The following CASZ1 variants were observed in gnomAD, a reference collection of about 807,000 sequenced individuals.
The protein encoded by CASZ1 is castor zinc finger 1, also known as zinc finger protein castor homolog 1.
A neutral mutation model predicts 135.2 loss-of-function variants in CASZ1; 28 were observed. That is an observed-to-expected ratio of 0.21 (90% confidence interval 0.15 to 0.28). The LOEUF is 0.28. CASZ1 is among the 10% of genes least tolerant of loss of function. The probability of loss-of-function intolerance (pLI) is 1.00; values close to 1 mark genes in which losing one functional copy is unlikely to be tolerated. For synonymous variants in CASZ1, 1,068 were observed against 1,073.4 expected (o/e 0.99, Z 0.10); for missense variants, 2,161 against 2,453.3 (o/e 0.88, Z 2.52).
At chr1:10,772,167 G>A (rs1477132968) in intron 1 of CASZ1, among the ~76,000 whole-genome samples, 10 of 152,214 alleles carry the variant, frequency 6.6e-5, no homozygotes, top group Non-Finnish European at 1.0e-4. Flanking sequence ...CCTGGAGGAA[G>A]GAGGAGAAGG....
Position 10,666,963 on chromosome 1 carries a change from T to C in CASZ1, c.17-1392A>G, listed in dbSNP as rs284320. On this transcript the variant is annotated intron_variant, in intron 4 of 20. Transcript: ENST00000377022. This position sits in a 1 kb window ranked among gnomAD's most constrained non-coding sequence, Gnocchi z 5.2. ...CACTCACTGTGTACAAAACAAAATG[T>C]GCCTCTCCATGGCCCTCACGGGAGG... Among the ~76,000 whole-genome samples the C allele has an allele frequency of 0.28, 43,083 of 152,128 alleles. 7,045 individuals are homozygous for C. Among genetic ancestry groups the C allele is most frequent in the African/African-American group, 0.44 (18,274 of 41,486 alleles).
At chr1:10,786,420 T>C (rs1401321470) in intron 1 of CASZ1, among the ~76,000 whole-genome samples, 1 of 152,208 alleles carries the variant, frequency 6.6e-6, no homozygotes, top group East Asian at 1.9e-4. Flanking sequence ...AGAATCTGTG[T>C]GCAGCACCAC....
rs4002551 is a variant in CASZ1 at position 10,794,176 on chromosome 1, CGT to C, written c.-234+2386_-234+2387del. Among the ~76,000 whole-genome samples, 19,189 of 148,260 alleles carry C rather than the reference CGT, an allele frequency of 0.13. 1,784 individuals are homozygous for C. Among genetic ancestry groups the C allele is most frequent in the East Asian group, 0.55 (2,700 of 4,912 alleles). On this transcript the variant is annotated intron_variant, in intron 1 of 20. Transcript: ENST00000377022. This position sits in a 1 kb window ranked among gnomAD's most constrained non-coding sequence, Gnocchi z 5.6. ...GTGTGTGCGTGTTTGTATGTGTATGCGTGTGTGTGTGTGTGTGTGTGTGCGCG... is the reference window on the plus strand; with the variant it reads ...GTGTGTGCGTGTTTGTATGTGTATGCGTGTGTGTGTGTGTGTGTGTGCGCG...
intron 18 of CASZ1, among the ~76,000 whole-genome samples, chr1:10,644,245 G>T (rs1360996453): frequency 6.6e-6 from 1 of 152,196 alleles, no homozygotes; most frequent in African/African-American, 2.4e-5. Context: ...TCATCAGCAG[G>T]CTGTGAACAG....
In CASZ1 at chr1:10,646,804, G is replaced by A. The variant is rs1200536739; in HGVS notation, c.3498-478C>T. ...GCTGCCACAGGCCCTTAGCAAGCAG[G>A]AGCGCGTGCCTGGTGTCAGCTCCTG... is the stretch of plus-strand genomic sequence containing the variant. On this transcript the variant is annotated intron_variant, in intron 16 of 20. Transcript: ENST00000377022. This position sits in a 1 kb window ranked among gnomAD's most constrained non-coding sequence, Gnocchi z 6.4. 2.0e-5 allele frequency among the ~76,000 whole-genome samples: 3 copies of A among 152,212 alleles called. No homozygotes were observed. Among genetic ancestry groups the A allele is most frequent in the African/African-American group, 4.8e-5 (2 of 41,450 alleles).
chr1:10,665,422 C>T lies in CASZ1; in HGVS notation c.166G>A (p.Gly56Ser). 13 of 1,612,554 alleles carry T rather than the reference C, an allele frequency of 8.1e-6. No individual in the cohort carries two copies. Among genetic ancestry groups the T allele is most frequent in the Non-Finnish European group, 1.0e-5 (12 of 1,179,768 alleles). Residue 56 changes from glycine (G) to serine (S), a missense_variant, in exon 5 of 21, where the codon GGC (glycine) becomes AGC (serine). Gly to Ser is a moderately conservative substitution (Grantham distance 56). Around this residue, in one of 7 missense-constraint regions of CASZ1, gnomAD observed 590 missense variants for 609.8 expected, o/e 0.97. Coordinates refer to ENST00000377022, the MANE Select transcript of CASZ1 (RefSeq NM_001079843.3). ...TGGTCCCGGGGCTGCGATGGGCTGC[C>T]CTCCGTGTGGGAGCCGGCGTCAGCT... ...KRADAGSHTEGSPSQPRDQER... is the reference protein window; with the variant it reads ...KRADAGSHTESSPSQPRDQER...
intron 3 of CASZ1, among the ~76,000 whole-genome samples, chr1:10,695,270 T>TGG (rs913719960): frequency 7.2e-5 from 11 of 152,010 alleles, no homozygotes; most frequent in African/African-American, 2.7e-4. Flanking sequence ...GGACACGCAG[T>TGG]GGGGTTTCCT....
chr1:10,663,685 C>T (rs567742278), intron 5 of CASZ1, among the ~76,000 whole-genome samples: 2 of 152,210 alleles, frequency 1.3e-5, no homozygotes, highest in Admixed American at 1.3e-4. Context: ...GCCCAGGGCC[C>T]AGAGAAGGTG....
chr1:10,751,224 C>T (rs554235930), intron 2 of CASZ1, among the ~76,000 whole-genome samples: 29 of 152,176 alleles, frequency 1.9e-4, no homozygotes, highest in African/African-American at 6.5e-4. Flanking sequence ...GAATCAAAAC[C>T]AGTGAGGACA....
rs534521627 is a variant in CASZ1, at chr1:10,644,353, G to A, written c.3868+564C>T. On this transcript the variant is annotated intron_variant, in intron 18 of 20. Transcript: ENST00000377022. ...CACCCCTTCCTGGGTTCCGGGTCAC[G>A]GGTGCTCCAGCTGAGCCCATGGAGA... is the stretch of plus-strand genomic sequence containing the variant. Among the ~76,000 whole-genome samples, 7 of 152,148 alleles carry A rather than the reference G, an allele frequency of 4.6e-5. No homozygotes were observed. In the East Asian group the frequency reaches 1.2e-3, roughly 25 times the overall value.
At chr1:10,660,943 AG>A in intron 5 of CASZ1, 1 of 226,390 alleles carries the variant, frequency 4.4e-6, no homozygotes, top group Non-Finnish European at 8.8e-6. Flanking sequence ...AACCGGGGAC[AG>A]GTAGGGACGT....
intron 5 of CASZ1, among the ~76,000 whole-genome samples, chr1:10,663,758 C>T (rs532201483): frequency 8.5e-5 from 13 of 152,358 alleles, no homozygotes; most frequent in Non-Finnish European, 1.3e-4. Context: ...CAGCGCTCAG[C>T]GCTGAGTAGG....
intron 2 of CASZ1, among the ~76,000 whole-genome samples, chr1:10,718,712 C>T (rs1270699226): frequency 6.6e-6 from 1 of 152,222 alleles, no homozygotes; most frequent in Non-Finnish European, 1.5e-5. Flanking sequence ...TCCTGACCCA[C>T]TGGGGAGTGG....
Position 10,665,265 on chromosome 1 carries a change from C to T in CASZ1, c.323G>A (p.Arg108Gln), listed in dbSNP as rs775688651. 1.1e-5 allele frequency: 18 copies of T among 1,609,488 alleles called. No homozygotes were observed. Among genetic ancestry groups the T allele is most frequent in the African/African-American group, 8.0e-5 (6 of 75,004 alleles). The change falls in exon 5 of 21, where the codon CGG (arginine) becomes CAG (glutamine). Residue 108 changes from arginine to glutamine, a missense_variant. Around this residue, in one of 7 missense-constraint regions of CASZ1, gnomAD observed 590 missense variants for 609.8 expected, o/e 0.97. Coordinates refer to ENST00000377022, the MANE Select transcript of CASZ1 (RefSeq NM_001079843.3). The part of the protein sequence containing the change: ...EEPAPTPVLG[R>Q]IAREGLELPP... ...CAGCTCCAGGCCCTCGCGGGCAATC[C>T]GCCCCAACACGGGTGTGGGTGCCGG...
rs892293017 is a variant in CASZ1, at chr1:10,755,324, CGAG to C, written c.-77+5374_-77+5376del. 6.6e-6 allele frequency among the ~76,000 whole-genome samples: 1 copy of C among 152,170 alleles called. No homozygotes were observed. Among genetic ancestry groups the C allele is most frequent in the Non-Finnish European group, 1.5e-5 (1 of 68,034 alleles). On this transcript the variant is annotated intron_variant, in intron 2 of 20. Transcript: ENST00000377022. This position sits in a 1 kb window ranked among gnomAD's most constrained non-coding sequence, Gnocchi z 4.3. ...GAGAGGAGGAGCTTGAAGGTCTACACGAGGAGATGATGCAGTCAGGACTCCGGG... is the reference window on the plus strand; with the variant it reads ...GAGAGGAGGAGCTTGAAGGTCTACACGAGATGATGCAGTCAGGACTCCGGG...
intron 1 of CASZ1, among the ~76,000 whole-genome samples, chr1:10,778,193 A>C (rs946736954): frequency 2.0e-4 from 30 of 151,942 alleles, no homozygotes; most frequent in African/African-American, 6.3e-4. Flanking sequence ...ACACAATCAG[A>C]CACACTCTCA....
At chr1:10,656,969 A>C (rs1000787671) in intron 7 of CASZ1, among the ~76,000 whole-genome samples, 12 of 152,154 alleles carry the variant, frequency 7.9e-5, no homozygotes, top group Admixed American at 7.2e-4. Flanking sequence ...CAAAAGTCAA[A>C]GTAGGGGGAG....
At chr1:10,740,960 C>CAAAAAA (rs374464130) in intron 2 of CASZ1, among the ~76,000 whole-genome samples, 9 of 61,462 alleles carry the variant, frequency 1.5e-4, no homozygotes, top group East Asian at 5.2e-4. Context: ...CCTGTCTGGA[C>CAAAAAA]AAAAAAAAAA....
Position 10,739,116 on chromosome 1 carries a change from A to G in CASZ1, c.-77+21585T>C, listed in dbSNP as rs1232477153. On this transcript the variant is annotated intron_variant, in intron 2 of 20. Coordinates refer to ENST00000377022, the MANE Select transcript of CASZ1 (RefSeq NM_001079843.3). This position sits in a 1 kb window ranked among gnomAD's most constrained non-coding sequence, Gnocchi z 4.8. ...GGGGTCCGGGGGAAGAAGGAAAAAAAGCAACAACAATAACGAGAAACAAGT... is the reference window on the plus strand; with the variant it reads ...GGGGTCCGGGGGAAGAAGGAAAAAAGGCAACAACAATAACGAGAAACAAGT... Among the ~76,000 whole-genome samples the G allele has an allele frequency of 6.6e-6, 1 of 152,054 alleles. No homozygotes were observed. The highest frequency in any genetic ancestry group is 1.5e-5 in the Non-Finnish European group (1 of 68,004).
Sources: allele counts gnomAD v4.1 joint callset (sites outside exome capture counted in the v4.1 genomes callset), GRCh38; gene constraint gnomAD v4.1.1; regional missense constraint gnomAD v4.1.1; non-coding constraint Gnocchi (gnomAD v3.1); transcripts MANE v1.5; gene names NCBI Gene and HGNC (gene_info 2026-07-23, HGNC 2026-07-21).